The following NMNAT1 variants were observed in gnomAD, a reference collection of about 807,000 sequenced individuals.
The protein encoded by NMNAT1 is nicotinamide/nicotinic acid mononucleotide adenylyltransferase 1.
In NMNAT1, 11 loss-of-function variants were observed where a neutral mutation model predicts 16.7. The ratio of observed to expected loss-of-function variants is 0.66; its 90% CI spans 0.41 to 1.09. The LOEUF (loss-of-function observed/expected upper bound fraction) is 1.09, where lower values mean the gene tolerates loss of function less well. Ranked by LOEUF, NMNAT1 falls within the 50% of genes least tolerant of loss-of-function variation. The pLI, the probability that NMNAT1 is intolerant of heterozygous loss-of-function variation, is 0.00. For synonymous variants in NMNAT1, 110 were observed against 119.8 expected (o/e 0.92, Z 0.53); for missense variants, 280 against 332.3 (o/e 0.84, Z 1.22).
chr1:9,990,538 G>A, the NMNAT1 span, among the ~76,000 whole-genome samples: 3 of 152,162 alleles, frequency 2.0e-5, no homozygotes, highest in East Asian at 1.9e-4. Flanking sequence ...TAGGGTTTCC[G>A]GGATTGGTTT....
intron 2 of NMNAT1, among the ~76,000 whole-genome samples, chr1:9,973,963 C>T (rs1641748233): frequency 6.6e-6 from 1 of 151,642 alleles, no homozygotes; most frequent in African/African-American, 2.4e-5. Flanking sequence ...TCAGCCTCCC[C>T]TGTAACTGGG....
intron 1 of NMNAT1, among the ~76,000 whole-genome samples, chr1:9,959,666 C>T (rs570218634): frequency 4.6e-5 from 7 of 152,002 alleles, no homozygotes; most frequent in South Asian, 2.1e-4. Context: ...CTGGCGACAA[C>T]GAGACTCTGT....
chr1:9,981,403 T>A, intron 4 of NMNAT1: 1 of 444,306 alleles, frequency 2.3e-6, no homozygotes, highest in Middle Eastern at 6.5e-4. Flanking sequence ...CCTGTCTAAT[T>A]TGTTTGTATT....
intron 2 of NMNAT1, among the ~76,000 whole-genome samples, chr1:9,975,140 A>G (rs980526566): frequency 1.3e-5 from 2 of 152,174 alleles, no homozygotes; most frequent in East Asian, 1.9e-4. Context: ...ATATTTTACC[A>G]TAATTTCAGT....
chr1:9,972,694 A>C (rs1641716722), intron 2 of NMNAT1, among the ~76,000 whole-genome samples: 1 of 152,146 alleles, frequency 6.6e-6, no homozygotes, highest in South Asian at 2.1e-4. Flanking sequence ...ACAGTGGCTC[A>C]CACCTGTAAT....
At chr1:9,963,361 G>A (rs2101672758) in intron 1 of NMNAT1, among the ~76,000 whole-genome samples, 1 of 152,062 alleles carries the variant, frequency 6.6e-6, no homozygotes, top group South Asian at 2.1e-4. Flanking sequence ...GATGTACACA[G>A]TGAGGCATTG....
Position 9,979,061 on chromosome 1 carries a change from G to A in NMNAT1, c.300-1970G>A, listed in dbSNP as rs114038539. ...TTAGGCAAATTAGTCAGTGTCCTCT[G>A]TCAATGGGGTAATAAACAATTCTGA... On this transcript the variant is annotated intron_variant, in intron 3 of 4. Coordinates refer to ENST00000377205, the MANE Select transcript of NMNAT1 (RefSeq NM_022787.4). Among the ~76,000 whole-genome samples the A allele has an allele frequency of 3.3e-3, 496 of 152,298 alleles. 2 individuals carry two copies. Among genetic ancestry groups the A allele is most frequent in the Non-Finnish European group, 6.0e-3 (409 of 68,024 alleles).
intron 1 of NMNAT1, among the ~76,000 whole-genome samples, chr1:9,962,481 G>GAA (rs200962954): frequency 5.2e-4 from 63 of 122,030 alleles, no homozygotes; most frequent in African/African-American, 1.2e-3. Flanking sequence ...GACTCCGTCT[G>GAA]AAAAAAAAAA....
At chr1:9,972,595 A>G (rs1343161179) in intron 2 of NMNAT1, 3 of 157,896 alleles carry the variant, frequency 1.9e-5, no homozygotes, top group Admixed American at 6.1e-5. Flanking sequence ...TCCCTTGTAC[A>G]GTGAATTCTT....
At chr1:9,978,843 T>C (rs1406021445) in intron 3 of NMNAT1, among the ~76,000 whole-genome samples, 1 of 152,202 alleles carries the variant, frequency 6.6e-6, no homozygotes, top group African/African-American at 2.4e-5. Flanking sequence ...AATAGAGCTA[T>C]ACACAAATCC....
At chr1:9,974,214 C>T (rs1641756039) in intron 2 of NMNAT1, among the ~76,000 whole-genome samples, 1 of 151,322 alleles carries the variant, frequency 6.6e-6, no homozygotes, top group Non-Finnish European at 1.5e-5. Context: ...TGTGTATACA[C>T]AGATTTTTTT....
At chr1:9,944,360 C>T (rs561467579) in intron 1 of NMNAT1, among the ~76,000 whole-genome samples, 2 of 152,180 alleles carry the variant, frequency 1.3e-5, no homozygotes, top group South Asian at 2.1e-4. Flanking sequence ...CCAGGCTGGG[C>T]AACATAGCAA....
intron 1 of NMNAT1, among the ~76,000 whole-genome samples, chr1:9,966,681 AT>A (rs889984768): frequency 4.6e-5 from 7 of 152,136 alleles, no homozygotes; most frequent in African/African-American, 1.7e-4. Flanking sequence ...TAGCAAAGTT[AT>A]TTTTTTAACT....
intron 1 of NMNAT1, 52 bp from the exon 2 acceptor site, chr1:9,971,966 T>C (rs1173673871): frequency 2.8e-6 from 2 of 710,462 alleles, no homozygotes; most frequent in South Asian, 1.6e-5. Flanking sequence ...CAAGACCTTA[T>C]CTTAGGGAAA....
At chr1:9,987,837 T>C (rs887290648), downstream of NMNAT1, among the ~76,000 whole-genome samples, 1 of 151,840 alleles carries the variant, frequency 6.6e-6, no homozygotes, top group Non-Finnish European at 1.5e-5. Flanking sequence ...AAAAATGAAA[T>C]AGTGCAGCTA....
chr1:9,996,176 T>C, the NMNAT1 span, among the ~76,000 whole-genome samples: 1 of 151,344 alleles, frequency 6.6e-6, no homozygotes. Flanking sequence ...CCGGGCGTGT[T>C]GGCGGGCGCC....
At chr1:9,955,128 C>T (rs1192901440) in intron 1 of NMNAT1, among the ~76,000 whole-genome samples, 3 of 151,094 alleles carry the variant, frequency 2.0e-5, no homozygotes, top group Non-Finnish European at 3.0e-5. Context: ...CTAAGCTGGG[C>T]GCGGTGGCTC....
chr1:9,974,679 C>T (rs768706127), intron 2 of NMNAT1, among the ~76,000 whole-genome samples: 7 of 152,008 alleles, frequency 4.6e-5, no homozygotes. Flanking sequence ...TGAGCCACCG[C>T]GCCTGGCCTA....
At chr1:9,971,316 A>T (rs1236398373) in intron 1 of NMNAT1, among the ~76,000 whole-genome samples, 1 of 149,804 alleles carries the variant, frequency 6.7e-6, no homozygotes, top group African/African-American at 2.5e-5. Flanking sequence ...ATTGAAGCCA[A>T]TTTTTTTTTT....
Sources: gnomAD v4.1 joint callset for allele counts (sites outside exome capture counted in the v4.1 genomes callset) on GRCh38, gnomAD v4.1.1 for gene constraint, MANE v1.5 for transcripts, NCBI Gene and HGNC (gene_info 2026-07-23, HGNC 2026-07-21) for gene names.